Variants in PTPN4 observed in about 807,000 individuals in gnomAD.
PTPN4 encodes the protein tyrosine-protein phosphatase non-receptor type 4.
PTPN4 carries 49 observed loss-of-function variants against 135.5 expected under a neutral mutation model. The ratio of observed to expected loss-of-function variants is 0.36; its 90% confidence interval spans 0.29 to 0.46. The LOEUF (loss-of-function observed/expected upper bound fraction) is 0.46, where lower values mean the gene tolerates loss of function less well. Among genes scored for constraint, PTPN4 ranks in the 20% least tolerant of loss-of-function variants. The pLI is 1.00. For synonymous variants in PTPN4, 333 were observed against 369.9 expected (o/e 0.90, Z 1.14); for missense variants, 860 against 1,101.0 (o/e 0.78, Z 3.10).
At chr2:119,761,485 T>C (rs1690499508) in intron 1 of PTPN4, among the ~76,000 whole-genome samples, 1 of 152,206 alleles carries the variant, frequency 6.6e-6, no homozygotes, top group Non-Finnish European at 1.5e-5. Flanking sequence ...CAGCTTTCTT[T>C]TAAAGAAAAA....
At chr2:119,862,938 G>A (rs1287504278) in intron 3 of PTPN4, among the ~76,000 whole-genome samples, 3 of 152,012 alleles carry the variant, frequency 2.0e-5, no homozygotes, top group Non-Finnish European at 4.4e-5. Context: ...AGAGGAAATT[G>A]GGCATAAAGG....
intron 2 of PTPN4, among the ~76,000 whole-genome samples, chr2:119,821,093 ATTT>A (rs34372928): frequency 0.022 from 2,744 of 122,332 alleles, 37 homozygotes; most frequent in Non-Finnish European, 0.035. Flanking sequence ...TCTATCCATA[ATTT>A]TTTTTTTTTT....
intron 2 of PTPN4, among the ~76,000 whole-genome samples, chr2:119,847,339 T>TTTTTTTTTGAGACAGAG (rs1677519640): frequency 6.8e-6 from 1 of 146,280 alleles, no homozygotes; most frequent in African/African-American, 2.5e-5. Context: ...TTTTTTTTTT[T>TTTTTTTTTGAGACAGAG]TTTTTGAGAC....
At chr2:119,899,492 G>C (rs1678373091) in intron 9 of PTPN4, among the ~76,000 whole-genome samples, 1 of 151,932 alleles carries the variant, frequency 6.6e-6, no homozygotes, top group Admixed American at 6.6e-5. Context: ...TATCTTTAAG[G>C]ATTCCTCAAA....
At chr2:119,893,597 T>A (rs1000143460) in intron 9 of PTPN4, among the ~76,000 whole-genome samples, 1 of 152,156 alleles carries the variant, frequency 6.6e-6, no homozygotes, top group African/African-American at 2.4e-5. Context: ...ATTTAGTAGA[T>A]GTTGAAGAGA....
chr2:119,844,613 T>G (rs1677456200), intron 2 of PTPN4, among the ~76,000 whole-genome samples: 1 of 144,796 alleles, frequency 6.9e-6, no homozygotes, highest in Non-Finnish European at 1.5e-5. Flanking sequence ...ACATCCCAGA[T>G]GGGGCAGCGG....
intron 1 of PTPN4, among the ~76,000 whole-genome samples, chr2:119,798,583 A>G (rs1356570398): frequency 6.6e-6 from 1 of 152,274 alleles, no homozygotes; most frequent in African/African-American, 2.4e-5. Context: ...GAGAATTTTC[A>G]AGTAGTGAAT....
At chr2:119,801,132 A>G (rs912813849) in intron 1 of PTPN4, among the ~76,000 whole-genome samples, 1 of 152,116 alleles carries the variant, frequency 6.6e-6, no homozygotes, top group Admixed American at 6.5e-5. Context: ...TCTATCACCC[A>G]AGCTGGAGTG....
chr2:119,881,433 A>G (rs1054207884), intron 5 of PTPN4, among the ~76,000 whole-genome samples: 1 of 152,088 alleles, frequency 6.6e-6, no homozygotes, highest in African/African-American at 2.4e-5. Flanking sequence ...ATGCTCTTCC[A>G]TGTTTGTGAT....
chr2:119,925,147 A>G (rs908942717), intron 12 of PTPN4, among the ~76,000 whole-genome samples: 10 of 152,160 alleles, frequency 6.6e-5, no homozygotes, highest in African/African-American at 2.4e-4. Context: ...GGATGGGACC[A>G]TCTACAGGAT....
intron 26 of PTPN4, among the ~76,000 whole-genome samples, chr2:119,976,755 T>C (rs1289305914): frequency 3.3e-5 from 5 of 152,224 alleles, no homozygotes; most frequent in African/African-American, 1.2e-4. Flanking sequence ...GCTGCAGTAT[T>C]TTAACATCCC....
At chr2:119,952,173 A>T (rs917144293) in intron 19 of PTPN4, 44 bp downstream of exon 19, 5 of 1,517,688 alleles carry the variant, frequency 3.3e-6, no homozygotes, top group Non-Finnish European at 3.6e-6. Flanking sequence ...GTAATTTATT[A>T]CTGTTCATTA....
At chr2:119,835,160 T>C (rs962428573) in intron 2 of PTPN4, among the ~76,000 whole-genome samples, 10 of 152,136 alleles carry the variant, frequency 6.6e-5, no homozygotes, top group Non-Finnish European at 1.0e-4. Context: ...GTAAGTAATC[T>C]TTTTCTTATC....
Position 119,885,784 on chromosome 2 carries a change from T to A in PTPN4, c.588-11T>A. On this transcript the variant is annotated splice_polypyrimidine_tract_variant and intron_variant, in intron 8 of 26. Coordinates refer to ENST00000263708, the MANE Select transcript of PTPN4 (RefSeq NM_002830.4). ...ATTGATCTCATTTTTAACTTAATGA[T>A]GTCTTTATAGAGGCTTATCTCCTGC... The A allele has an allele frequency of 6.5e-7, 1 of 1,531,120 alleles. No homozygotes were observed. Among genetic ancestry groups the A allele is most frequent in the Non-Finnish European group, 8.8e-7 (1 of 1,130,500 alleles). 94.8% of individuals were successfully genotyped at this position (1,531,120 alleles called of 1,614,324 possible).
rs1574343442 is a variant in PTPN4, at chr2:119,805,559, T to C, written c.-17-4278T>C. 3.3e-5 allele frequency among the ~76,000 whole-genome samples: 5 copies of C among 152,344 alleles called. No individual in the cohort carries two copies. In the South Asian group the frequency reaches 1.0e-3, roughly 32 times the overall value. On this transcript the variant is annotated intron_variant, in intron 1 of 26. Transcript: ENST00000263708. Reference sequence around the variant, plus strand: ...TTATTAAATAGGGCCATTTCTTGTTTTTGTCAGGTTTGTCAAAGATCAGAT... The same window carrying C: ...TTATTAAATAGGGCCATTTCTTGTTCTTGTCAGGTTTGTCAAAGATCAGAT...
At chr2:119,881,857 T>G in intron 6 of PTPN4, 27 bp downstream of exon 6, 2 of 1,469,972 alleles carry the variant, frequency 1.4e-6, no homozygotes, top group Non-Finnish European at 1.9e-6. Context: ...TCTTAAAAAA[T>G]TTTTTGTAAT....
At chr2:119,961,225 T>TCTTTACAACG (rs2105058860) in intron 23 of PTPN4, among the ~76,000 whole-genome samples, 1 of 151,892 alleles carries the variant, frequency 6.6e-6, no homozygotes, top group African/African-American at 2.4e-5. Flanking sequence ...TATACAGAAC[T>TCTTTACAACG]CTACAGTAAA....
rs11288109 is a variant in PTPN4, at chr2:119,760,871, CAAAAAAAA to C, written c.-18+501_-18+508del. Among the ~76,000 whole-genome samples, 325 of 82,026 alleles carry C rather than the reference CAAAAAAAA, an allele frequency of 4.0e-3. 4 individuals are homozygous for C. Among genetic ancestry groups the C allele is most frequent in the Non-Finnish European group, 6.2e-3 (238 of 38,500 alleles). 53.8% of individuals were successfully genotyped at this position (82,026 alleles called of 152,430 possible). A position where few individuals can be genotyped will look rare whatever the true frequency, so the allele number is the denominator to read the frequency against. ...TGTATTTGGGAATCTGTAGTTGAGC[CAAAAAAAA>C]AAAAAAAAAAAAAGTTGAGATGTGG... On this transcript the variant is annotated intron_variant, in intron 1 of 26. Coordinates refer to ENST00000263708, the MANE Select transcript of PTPN4 (RefSeq NM_002830.4).
At chr2:119,842,771 T>C (rs1237749711) in intron 2 of PTPN4, among the ~76,000 whole-genome samples, 1 of 152,202 alleles carries the variant, frequency 6.6e-6, no homozygotes, top group African/African-American at 2.4e-5. Context: ...CTTCTCTAAC[T>C]GTGGTACAAT....
Sources: gnomAD v4.1 joint callset for allele counts (sites outside exome capture counted in the v4.1 genomes callset) on GRCh38, gnomAD v4.1.1 for gene constraint, MANE v1.5 for transcripts, NCBI Gene and HGNC (gene_info 2026-07-23, HGNC 2026-07-21) for gene names.